Variants in HTR7 observed in about 807,000 individuals in gnomAD.
HTR7 encodes the protein 5-HT-7.
In HTR7, 16 loss-of-function variants were observed where a neutral mutation model predicts 34.0. That is an observed-to-expected ratio of 0.47 (90% CI 0.32 to 0.71). The LOEUF (loss-of-function observed/expected upper bound fraction) is 0.71, where lower values mean the gene tolerates loss of function less well. Among genes scored for constraint, HTR7 ranks in the 30% least tolerant of loss-of-function variants. The pLI is 0.04. For missense variants in HTR7, 504 were observed against 625.5 expected, an observed-to-expected ratio of 0.81 and a Z score of 2.07; for synonymous variants, 265 against 260.2, an observed-to-expected ratio of 1.02 and a Z score of -0.18.
At chr10:90,837,972 T>G (rs1275839626) in intron 1 of HTR7, among the ~76,000 whole-genome samples, 1 of 152,224 alleles carries the variant, frequency 6.6e-6, no homozygotes, top group Non-Finnish European at 1.5e-5. Context: ...CATATCGCAC[T>G]GACTAACCAT....
chr10:90,833,599 T>C (rs1280721490), intron 1 of HTR7, among the ~76,000 whole-genome samples: 1 of 152,184 alleles, frequency 6.6e-6, no homozygotes, highest in Non-Finnish European at 1.5e-5. Flanking sequence ...TTGACAAAAA[T>C]TTCTTGGGGA....
Position 90,857,111 on chromosome 10 carries a change from G to A in HTR7, c.539+22C>T, listed in dbSNP as rs1198657868. On this transcript the variant is annotated intron_variant, in intron 1 of 3. Coordinates refer to ENST00000336152, the MANE Select transcript of HTR7 (RefSeq NM_019859.4). This position sits in a 1 kb window ranked among gnomAD's most constrained non-coding sequence, Gnocchi z 6.5. The stretch of plus-strand genomic sequence containing the variant: ...CAGCCGGTCCCCAGCCGGAGCCTGG[G>A]ACGGGGCGGTCCGGCCCTTACCTGT... 1.3e-6 allele frequency: 2 copies of A among 1,522,884 alleles called. No individual in the cohort carries two copies. Among genetic ancestry groups the A allele is most frequent in the Non-Finnish European group, 1.8e-6 (2 of 1,131,262 alleles). 94.3% of individuals were successfully genotyped at this position (1,522,884 alleles called of 1,614,324 possible).
chr10:90,775,296 G>C (rs1474297032), intron 1 of HTR7, among the ~76,000 whole-genome samples: 4 of 152,242 alleles, frequency 2.6e-5, no homozygotes, highest in African/African-American at 4.8e-5. Context: ...GTGATTTCAG[G>C]CCGTGCTCGG....
chr10:90,785,589 T>C (rs1013520311), intron 1 of HTR7, among the ~76,000 whole-genome samples: 3 of 152,128 alleles, frequency 2.0e-5, no homozygotes, highest in Non-Finnish European at 2.9e-5. Flanking sequence ...TAAATACATA[T>C]GAATAACCAA....
chr10:90,742,623 T>C (rs1218868329), intron 3 of HTR7, 95 bp from the exon 4 acceptor site: 5 of 781,934 alleles, frequency 6.4e-6, no homozygotes, highest in Non-Finnish European at 1.1e-5. Flanking sequence ...TTTACAGCAG[T>C]CAGTAATTTG....
chr10:90,850,070 T>C (rs975813324), intron 1 of HTR7, among the ~76,000 whole-genome samples: 1 of 152,230 alleles, frequency 6.6e-6, no homozygotes, highest in Non-Finnish European at 1.5e-5. Context: ...GAAGAGCACT[T>C]GGCAGTCTCT....
Position 90,749,541 on chromosome 10 carries a change from C to G in HTR7, c.593G>C (p.Cys198Ser). 6.2e-7 allele frequency: 1 copy of G among 1,614,022 alleles called. No homozygotes were observed. Among genetic ancestry groups the G allele is most frequent in the Non-Finnish European group, 8.5e-7 (1 of 1,179,950 alleles). The change falls in exon 2 of 4, where the codon TGC becomes TCC. Residue 198 changes from cysteine to serine, a missense_variant. This residue lies in a region of HTR7 where 154 missense variants were observed against 248.8 expected (regional missense o/e 0.62). Transcript: ENST00000336152. This position sits in a 1 kb window ranked among gnomAD's most constrained non-coding sequence, Gnocchi z 4.2. Reference sequence around the variant, plus strand: ...GACGGAGAGAATCATCTTCGCCATGCATTTCCCATTCTGCCTCACAGGGTA... The same window carrying G: ...GACGGAGAGAATCATCTTCGCCATGGATTTCCCATTCTGCCTCACAGGGTA... ...LTYPVRQNGK[C>S]MAKMILSVWL... is the part of the protein sequence containing the mutation.
rs1460081993 is a variant in HTR7, at chr10:90,746,050, A to G, written c.1296-2360T>C. On this transcript the variant is annotated intron_variant, in intron 2 of 3. Coordinates refer to ENST00000336152, the MANE Select transcript of HTR7 (RefSeq NM_019859.4). ...AGCATAGAAGTTAAAAGCACTTTTG[A>G]ACACAGATGTCCTGGGCTCAAATCC... Among the ~76,000 whole-genome samples, 3 of 152,228 alleles carry G rather than the reference A, an allele frequency of 2.0e-5. No homozygotes were observed. In the East Asian group the frequency reaches 5.8e-4, roughly 29 times the overall value.
chr10:90,759,648 C>T (rs1366511548), intron 1 of HTR7, among the ~76,000 whole-genome samples: 33 of 106,308 alleles, frequency 3.1e-4, no homozygotes, highest in African/African-American at 1.1e-3. Flanking sequence ...GGCGACAGAG[C>T]GAGACTCTGT....
At chr10:90,823,628 T>C (rs1193722386) in intron 1 of HTR7, among the ~76,000 whole-genome samples, 1 of 152,032 alleles carries the variant, frequency 6.6e-6, no homozygotes, top group Non-Finnish European at 1.5e-5. Context: ...ATGATTGTTT[T>C]GAAATGTGAG....
At chr10:90,815,359 T>G (rs112674986) in intron 1 of HTR7, among the ~76,000 whole-genome samples, 9,323 of 152,286 alleles carry the variant, frequency 0.061, 365 homozygotes, top group Non-Finnish European at 0.094. Flanking sequence ...CCCAAAGTGC[T>G]TGGATTACAG....
intron 1 of HTR7, among the ~76,000 whole-genome samples, chr10:90,825,225 C>T (rs1479420516): frequency 1.3e-5 from 2 of 152,220 alleles, no homozygotes; most frequent in Non-Finnish European, 2.9e-5. Context: ...ACCACCAAGG[C>T]AGTACCTCTA....
At chr10:90,782,195 G>A (rs1564680166) in intron 1 of HTR7, among the ~76,000 whole-genome samples, 2 of 152,116 alleles carry the variant, frequency 1.3e-5, no homozygotes, top group Middle Eastern at 3.2e-3. Flanking sequence ...CTCAGGATAC[G>A]ACACTGGCTG....
chr10:90,842,153 G>A (rs577349379), intron 1 of HTR7, among the ~76,000 whole-genome samples: 2 of 152,314 alleles, frequency 1.3e-5, no homozygotes, highest in African/African-American at 4.8e-5. Context: ...TAAGTCATGA[G>A]GTTAGAGCCC....
At chr10:90,848,831 C>A (rs932994728) in intron 1 of HTR7, among the ~76,000 whole-genome samples, 3 of 152,190 alleles carry the variant, frequency 2.0e-5, no homozygotes, top group Admixed American at 6.5e-5. Flanking sequence ...GATCCCAAGA[C>A]CAGAAGCATC....
At chr10:90,804,396 A>T (rs1845671991) in intron 1 of HTR7, among the ~76,000 whole-genome samples, 1 of 152,172 alleles carries the variant, frequency 6.6e-6, no homozygotes. Flanking sequence ...ATACCAAAAG[A>T]GCATTGTTTG....
At chr10:90,828,563 C>A (rs886711671) in intron 1 of HTR7, among the ~76,000 whole-genome samples, 1 of 151,950 alleles carries the variant, frequency 6.6e-6, no homozygotes, top group Admixed American at 6.6e-5. Flanking sequence ...TTATGAGAGG[C>A]TTAATATGCC....
intron 1 of HTR7, among the ~76,000 whole-genome samples, chr10:90,840,195 A>T (rs907483814): frequency 6.6e-6 from 1 of 151,168 alleles, no homozygotes; most frequent in Admixed American, 6.6e-5. Context: ...ACACACACAC[A>T]CACACACACA....
chr10:90,782,501 A>G (rs991328997), intron 1 of HTR7, among the ~76,000 whole-genome samples: 1 of 152,138 alleles, frequency 6.6e-6, no homozygotes, highest in Non-Finnish European at 1.5e-5. Context: ...TCTTCAAAAC[A>G]TCTTTGGAAT....
Sources: allele counts gnomAD v4.1 joint callset (sites outside exome capture counted in the v4.1 genomes callset), GRCh38; gene constraint gnomAD v4.1.1; regional missense constraint gnomAD v4.1.1; non-coding constraint Gnocchi (gnomAD v3.1); transcripts MANE v1.5; gene names NCBI Gene and HGNC (gene_info 2026-07-23, HGNC 2026-07-21).